The following RPTOR variants were observed in gnomAD, a reference collection of about 807,000 sequenced individuals.
RPTOR encodes regulatory-associated protein of mTOR.
Under a neutral mutation model 169.9 loss-of-function variants are expected in RPTOR, and 21 were observed. The ratio of observed to expected loss-of-function variants is 0.12; its 90% confidence interval spans 0.09 to 0.18. The LOEUF (loss-of-function observed/expected upper bound fraction) is 0.18. Ranked by LOEUF, RPTOR falls within the 10% of genes least tolerant of loss-of-function variation. RPTOR has a pLI of 1.00. For synonymous variants in RPTOR, 732 were observed against 753.2 expected (o/e 0.97, Z 0.46); for missense variants, 1,133 against 1,855.9 (o/e 0.61, Z 7.16).
intron 3 of RPTOR, among the ~76,000 whole-genome samples, chr17:80,687,284 C>T (rs946961272): frequency 1.1e-4 from 16 of 152,218 alleles, no homozygotes; most frequent in African/African-American, 3.4e-4. Flanking sequence ...CCTGTCTCTC[C>T]TCCCACCACA....
intron 20 of RPTOR, among the ~76,000 whole-genome samples, chr17:80,899,296 T>C (rs1164185998): frequency 6.6e-6 from 1 of 152,234 alleles, no homozygotes; most frequent in Non-Finnish European, 1.5e-5. Flanking sequence ...ACTTTTTAAA[T>C]AGAATTAATG....
intron 28 of RPTOR, among the ~76,000 whole-genome samples, chr17:80,953,496 T>C (rs2069208722): frequency 6.6e-6 from 1 of 152,202 alleles, no homozygotes; most frequent in Admixed American, 6.5e-5. Flanking sequence ...AGCCAAGCCC[T>C]CTGTGCTTGT....
At position 80,721,657 on chromosome 17, in the gene RPTOR, G is replaced by T. The variant is rs1001415726; in HGVS notation, c.508-8903G>T. Among the ~76,000 whole-genome samples, 2 of 151,318 alleles carry T rather than the reference G, an allele frequency of 1.3e-5. No individual in the cohort carries two copies. Among genetic ancestry groups the T allele is most frequent in the Non-Finnish European group, 2.9e-5 (2 of 68,028 alleles). ...TGCTGGAAGCTTCCTCAGGGTACTC[G>T]GGCTTATTTTGGTAGTCATACACAT... is the stretch of plus-strand genomic sequence containing the variant. On this transcript the variant is annotated intron_variant, in intron 4 of 33. Coordinates refer to ENST00000306801, the MANE Select transcript of RPTOR (RefSeq NM_020761.3). The surrounding 1 kb of genome is among the most constrained non-coding windows in gnomAD (Gnocchi z 4.7).
chr17:80,652,706 C>T (rs757504891), intron 3 of RPTOR, among the ~76,000 whole-genome samples: 12 of 152,136 alleles, frequency 7.9e-5, no homozygotes, highest in Non-Finnish European at 1.8e-4. Context: ...TGAATAATGC[C>T]GCTATGAATA....
chr17:80,629,577 C>G (rs536080883), intron 2 of RPTOR, among the ~76,000 whole-genome samples: 26 of 143,686 alleles, frequency 1.8e-4, no homozygotes, highest in African/African-American at 6.4e-4. Context: ...TGCAGCTCTT[C>G]CATGTGTTTC....
chr17:80,919,486 CTG>C (rs1313771206), intron 21 of RPTOR, among the ~76,000 whole-genome samples: 1 of 152,234 alleles, frequency 6.6e-6, no homozygotes, highest in African/African-American at 2.4e-5. Flanking sequence ...GCAGCCCTGA[CTG>C]TGTCAAGATC....
chr17:80,727,300 G>GTCGCGCTGGCCAGAATTTGGCTGCAGGA (rs2066346490), intron 4 of RPTOR, among the ~76,000 whole-genome samples: 1 of 48,878 alleles, frequency 2.0e-5, no homozygotes, highest in African/African-American at 8.2e-5. Context: ...ACCTCTGACC[G>GTCGCGCTGGCCAGAATTTGGCTGCAGGA]CATCATGCTC....
intron 3 of RPTOR, among the ~76,000 whole-genome samples, chr17:80,665,475 T>G (rs1248401323): frequency 2.5e-5 from 1 of 40,620 alleles, no homozygotes; most frequent in African/African-American, 2.9e-4. Context: ...TTCCTTTCCT[T>G]TCCTTTCCTT....
chr17:80,961,290 G>T, intron 30 of RPTOR, 104 bp from the exon 31 acceptor site: 1 of 1,096,906 alleles, frequency 9.1e-7, no homozygotes, highest in Non-Finnish European at 1.3e-6. Context: ...AGGGCCTGCG[G>T]ACCCGCTGGC....
At chr17:80,893,915 C>G in intron 20 of RPTOR, 50 bp downstream of exon 20, 1 of 1,496,862 alleles carries the variant, frequency 6.7e-7, no homozygotes, top group Non-Finnish European at 8.9e-7. Flanking sequence ...AGGGTCTCCT[C>G]CCCACACAGA....
At chr17:80,932,146 CATAT>C (rs57950527) in intron 24 of RPTOR, among the ~76,000 whole-genome samples, 1 of 145,856 alleles carries the variant, frequency 6.9e-6, no homozygotes. Flanking sequence ...TCCAGGCATG[CATAT>C]ATATATATAT....
At chr17:80,799,419 G>A (rs2067133558) in intron 7 of RPTOR, among the ~76,000 whole-genome samples, 1 of 152,230 alleles carries the variant, frequency 6.6e-6, no homozygotes, top group African/African-American at 2.4e-5. Context: ...ACTAGCTGGG[G>A]CTGGACTTGA....
At chr17:80,737,448 G>A (rs1203809766) in intron 5 of RPTOR, among the ~76,000 whole-genome samples, 3 of 152,166 alleles carry the variant, frequency 2.0e-5, no homozygotes, top group South Asian at 2.1e-4. Context: ...CGGCAGGGGG[G>A]CGGTGGTGGA....
chr17:80,693,524 T>C (rs74002830), intron 3 of RPTOR, among the ~76,000 whole-genome samples: 2,814 of 152,366 alleles, frequency 0.018, 92 homozygotes, highest in African/African-American at 0.063. Context: ...TACTGAATAA[T>C]ACATAAAGGA....
At chr17:80,737,401 T>C (rs1365853272) in intron 5 of RPTOR, among the ~76,000 whole-genome samples, 1 of 152,146 alleles carries the variant, frequency 6.6e-6, no homozygotes, top group Non-Finnish European at 1.5e-5. Flanking sequence ...TAACTCTCTT[T>C]AGAGGAAAAA....
intron 3 of RPTOR, among the ~76,000 whole-genome samples, chr17:80,687,504 G>C (rs532658364): frequency 0.078 from 11,849 of 152,260 alleles, 546 homozygotes; most frequent in Middle Eastern, 0.13. Context: ...ATTGTTTGAT[G>C]AAAGGCAGGG....
At chr17:80,735,205 G>A (rs756390104) in intron 5 of RPTOR, among the ~76,000 whole-genome samples, 5 of 152,164 alleles carry the variant, frequency 3.3e-5, no homozygotes, top group Non-Finnish European at 7.4e-5. Flanking sequence ...CATTACCTGG[G>A]TAATGTCATC....
chr17:80,787,020 G>T (rs2066999150), intron 6 of RPTOR, among the ~76,000 whole-genome samples: 1 of 152,142 alleles, frequency 6.6e-6, no homozygotes, highest in South Asian at 2.1e-4. Context: ...AGCCCTTGAT[G>T]ATGACCTGCG....
At chr17:80,890,846 A>G (rs113850325) in intron 17 of RPTOR, among the ~76,000 whole-genome samples, 100 of 152,232 alleles carry the variant, frequency 6.6e-4, no homozygotes, top group African/African-American at 2.3e-3. Context: ...TGGGGTGGCC[A>G]CGAGAAGACC....
Sources: allele counts gnomAD v4.1 joint callset (sites outside exome capture counted in the v4.1 genomes callset), GRCh38; gene constraint gnomAD v4.1.1; non-coding constraint Gnocchi (gnomAD v3.1); transcripts MANE v1.5; gene names NCBI Gene and HGNC (gene_info 2026-07-23, HGNC 2026-07-21).